RABGGTB: variants seen among roughly 807,000 people sequenced by gnomAD.
RABGGTB encodes Rab geranylgeranyltransferase subunit beta, also known as geranylgeranyl transferase type-2 subunit beta.
RABGGTB carries 20 observed loss-of-function variants against 44.5 expected under a neutral mutation model. That is an observed-to-expected ratio of 0.45 (90% CI 0.32 to 0.65). The LOEUF is 0.65. Ranked by LOEUF, RABGGTB falls within the 30% of genes least tolerant of loss-of-function variation. The pLI, the probability that RABGGTB is intolerant of heterozygous loss-of-function variation, is 0.05. For missense variants in RABGGTB, 302 were observed against 398.7 expected (o/e 0.76, Z 2.06); for synonymous variants, 128 against 136.7 (o/e 0.94, Z 0.44).
chr1:75,791,389 A>C, intron 5 of RABGGTB, 52 bp downstream of exon 5: 1 of 1,383,218 alleles, frequency 7.2e-7, no homozygotes, highest in Non-Finnish European at 1.0e-6. Flanking sequence ...ATACTCTGGA[A>C]TTTTTTTTTT....
rs189490979 is a variant in RABGGTB, at chr1:75,787,922, C to T, written c.111+318C>T. The stretch of plus-strand genomic sequence containing the variant: ...ATGTGTTGGCATGTATTATCTGAAT[C>T]TATTGCTGATGTGTAATAACACTTT... On this transcript the variant is annotated intron_variant, in intron 2 of 8. Coordinates refer to ENST00000319942, the MANE Select transcript of RABGGTB (RefSeq NM_004582.4). 1,989 of 579,246 alleles carry T rather than the reference C, an allele frequency of 3.4e-3. 9 individuals carry two copies. Among genetic ancestry groups the T allele is most frequent in the Non-Finnish European group, 4.4e-3 (1,336 of 300,780 alleles). 35.9% of individuals were successfully genotyped at this position (579,246 alleles called of 1,614,324 possible). A position where few individuals can be genotyped will look rare whatever the true frequency, so the allele number is the denominator to read the frequency against.
In RABGGTB at chr1:75,789,959, C is replaced by T. The variant is rs563619939; in HGVS notation, c.317C>T (p.Thr106Met). The T allele has an allele frequency of 3.7e-5, 59 of 1,602,948 alleles. 1 individual carries two copies. Among genetic ancestry groups the T allele is most frequent in the Middle Eastern group, 3.3e-4 (2 of 6,034 alleles). Residue 106 changes from threonine (T) to methionine (M), a missense_variant, in exon 4 of 9, where the codon ACG becomes ATG. Thr to Met is a moderately conservative substitution (Grantham distance 81). Coordinates refer to ENST00000319942, the MANE Select transcript of RABGGTB (RefSeq NM_004582.4). ...TACTTGTCTTTATTGCAGATTCTTA[C>T]GCTGTATGACAGTATTAATGTTATT... ...LYTLSAVQIL[T>M]LYDSINVIDV...
chr1:75,787,542 A>C lies in RABGGTB; in HGVS notation c.49A>C (p.Thr17Pro). 6.2e-7 allele frequency: 1 copy of C among 1,614,070 alleles called. No individual in the cohort carries two copies. The highest frequency in any genetic ancestry group is 8.5e-7 in the Non-Finnish European group (1 of 1,179,938). The change falls in exon 2 of 9, where the codon ACT (threonine) becomes CCT (proline). Residue 17 changes from threonine to proline, a missense_variant. By Grantham distance (38) the Thr-to-Pro change is conservative (BLOSUM62 -1). Coordinates refer to ENST00000319942, the MANE Select transcript of RABGGTB (RefSeq NM_004582.4). ...TATTATCAAGTCAGATGCACCGGAC[A>C]CTTTGTTATTGGAGAAACATGCAGA... is the stretch of plus-strand genomic sequence containing the variant. Reference protein sequence around the residue: ...DVIIKSDAPDTLLLEKHADYI... With the variant: ...DVIIKSDAPDPLLLEKHADYI...
chr1:75,786,326 G>A (rs1146634), intron 1 of RABGGTB, 52 bp downstream of exon 1: 901,051 of 1,607,960 alleles, frequency 0.56, 262,146 homozygotes, highest in African/African-American at 0.73. Flanking sequence ...CAGACAGGGT[G>A]GAGTAGGGTT....
chr1:75,793,527 A>C (rs1391576514), intron 7 of RABGGTB: 1 of 152,384 alleles, frequency 6.6e-6, no homozygotes, highest in African/African-American at 2.4e-5. Context: ...GGCCGTGGGG[A>C]GCACCGGGAC....
intron 7 of RABGGTB, chr1:75,793,638 A>G (rs2100490544): frequency 6.5e-6 from 1 of 153,418 alleles, no homozygotes; most frequent in Admixed American, 6.5e-5. Context: ...TTCTTTATAG[A>G]CTTCTGTCAC....
chr1:75,793,504 C>T (rs1250954365), intron 7 of RABGGTB: 1 of 152,370 alleles, frequency 6.6e-6, no homozygotes, highest in African/African-American at 2.4e-5. Context: ...GAACTGTCAA[C>T]AGAAAAATGG....
Position 75,787,588 on chromosome 1 carries a change from CAAAG to C in RABGGTB, c.101_104del (p.Lys34MetfsTer11). 2 of 1,610,922 alleles carry C rather than the reference CAAAG, an allele frequency of 1.2e-6. No homozygotes were observed. The highest frequency in any genetic ancestry group is 1.1e-5 in the South Asian group (1 of 91,012). On this transcript the variant is annotated frameshift_variant, in exon 2 of 9. Coordinates refer to ENST00000319942, the MANE Select transcript of RABGGTB (RefSeq NM_004582.4). LOFTEE classifies it high-confidence loss of function. ...GCAGATTATATCGCATCCTATGGCTCAAAGAAAGATGATTATGTATGTATAATTT... is the reference window on the plus strand; with the variant it reads ...GCAGATTATATCGCATCCTATGGCTCAAAGATGATTATGTATGTATAATTT...
At position 75,790,005 on chromosome 1, in the gene RABGGTB, A is replaced by G. The variant is rs1232334307; in HGVS notation, c.363A>G (p.Glu121=). 6.2e-7 allele frequency: 1 copy of G among 1,613,076 alleles called. No homozygotes were observed. The highest frequency in any genetic ancestry group is 8.5e-7 in the Non-Finnish European group (1 of 1,179,476). The change falls in exon 4 of 9, where the codon GAA becomes GAG. Residue 121 remains glutamate (E), a synonymous_variant. Coordinates refer to ENST00000319942, the MANE Select transcript of RABGGTB (RefSeq NM_004582.4). ...TTATTGACGTAAATAAAGTTGTGGAATATGTTAAAGGTCTACAGAAAGAAG... is the reference window on the plus strand; with the variant it reads ...TTATTGACGTAAATAAAGTTGTGGAGTATGTTAAAGGTCTACAGAAAGAAG... ...INVIDVNKVV[E]YVKGLQKEDG...
In RABGGTB at chr1:75,787,743, G is replaced by C. The variant is rs1045854469; in HGVS notation, c.111+139G>C. On this transcript the variant is annotated intron_variant, in intron 2 of 8. Transcript: ENST00000319942. Reference sequence around the variant, plus strand: ...GGATGTGCTGTGCCTTTGAACTTCAGTTAAGTGTGCTTTGGACGTCTGAGG... The same window carrying C: ...GGATGTGCTGTGCCTTTGAACTTCACTTAAGTGTGCTTTGGACGTCTGAGG... 3.3e-5 allele frequency: 24 copies of C among 720,950 alleles called. No homozygotes were observed. The African/African-American group carries it at 4.1e-4, about 12-fold the overall frequency. 44.7% of individuals were successfully genotyped at this position (720,950 alleles called of 1,614,324 possible). A position where few individuals can be genotyped will look rare whatever the true frequency, so the allele number is the denominator to read the frequency against.
chr1:75,787,337 C>G, intron 1 of RABGGTB, 160 bp from the exon 2 acceptor site: 1 of 636,614 alleles, frequency 1.6e-6, no homozygotes, highest in Non-Finnish European at 2.8e-6. Flanking sequence ...AAGCGATCTT[C>G]TACCTCAGCC....
At chr1:75,791,786 A>G (rs1016102373) in intron 6 of RABGGTB, 3 of 506,776 alleles carry the variant, frequency 5.9e-6, no homozygotes, top group South Asian at 6.6e-5. Flanking sequence ...CTAAGCAAAC[A>G]TAAGTGGGTT....
intron 3 of RABGGTB, 112 bp from the exon 4 acceptor site, chr1:75,789,840 G>A: frequency 2.6e-6 from 2 of 765,522 alleles, no homozygotes; most frequent in East Asian, 2.6e-5. Context: ...TTGAGAAAAG[G>A]TTATATACAC....
At chr1:75,791,973 G>C (rs1310797979) in intron 6 of RABGGTB, 1 of 469,554 alleles carries the variant, frequency 2.1e-6, no homozygotes, top group Non-Finnish European at 3.8e-6. Flanking sequence ...AAGAAATTTT[G>C]ACAATAATAT....
At chr1:75,788,069 C>A (rs1199368067) in intron 2 of RABGGTB, 11 of 383,048 alleles carry the variant, frequency 2.9e-5, no homozygotes. Flanking sequence ...AAATGTTTTT[C>A]CCTGTAGTAT....
intron 4 of RABGGTB, chr1:75,790,433 ATC>A: frequency 9.1e-7 from 1 of 1,102,844 alleles, no homozygotes; most frequent in Non-Finnish European, 1.1e-6. Context: ...AACGTAGATA[ATC>A]TCTGCTTTAG....
At chr1:75,786,199 G>C, upstream of RABGGTB, 1 of 1,588,820 alleles carries the variant, frequency 6.3e-7, no homozygotes, top group Non-Finnish European at 8.6e-7. Context: ...GGCCTGAGAG[G>C]CGCATCTGCG....
intron 3 of RABGGTB, 105 bp downstream of exon 3, chr1:75,789,461 T>A (rs1649590668): frequency 4.4e-6 from 5 of 1,148,540 alleles, no homozygotes; most frequent in Non-Finnish European, 6.6e-6. Flanking sequence ...TTGTTACAAG[T>A]GAAGCTGTCC....
intron 2 of RABGGTB, 69 bp downstream of exon 2, chr1:75,787,673 G>A: frequency 7.9e-7 from 1 of 1,265,630 alleles, no homozygotes; most frequent in Non-Finnish European, 1.1e-6. Flanking sequence ...CAGTGAGACA[G>A]TATTTATGTC....
Sources: gnomAD v4.1 joint callset for allele counts on GRCh38, gnomAD v4.1.1 for gene constraint, MANE v1.5 for transcripts, NCBI Gene and HGNC (gene_info 2026-07-23, HGNC 2026-07-21) for gene names.